Variants in ACOT1 observed in about 807,000 individuals in gnomAD.
The protein encoded by ACOT1 is acyl-coenzyme A thioesterase 1.
Under a neutral mutation model 15.7 loss-of-function variants are expected in ACOT1, and 8 were observed. That is an observed-to-expected ratio of 0.51 (90% CI 0.30 to 0.92). ACOT1 has a LOEUF of 0.92. ACOT1 is among the 40% of genes least tolerant of loss of function. The probability of loss-of-function intolerance (pLI) is 0.06; values close to 1 mark genes in which losing one functional copy is unlikely to be tolerated. For synonymous variants in ACOT1, 67 were observed against 241.2 expected, an observed-to-expected ratio of 0.28 and a Z score of 6.69; for missense variants, 151 against 539.4, an observed-to-expected ratio of 0.28 and a Z score of 7.13.
At chr14:73,529,354 C>CAA in the ACOT1 span, among the ~76,000 whole-genome samples, 18,812 of 86,410 alleles carry the variant, frequency 0.22, 2,197 homozygotes, top group South Asian at 0.34. Flanking sequence ...GACTCTGTCT[C>CAA]AAAAAAAAAA....
At chr14:73,506,388 A>G in the ACOT1 span, 42 of 939,192 alleles carry the variant, frequency 4.5e-5, no homozygotes, top group Admixed American at 5.8e-4. Context: ...GGAATAATAC[A>G]TAGCAGCAAA....
the ACOT1 span, chr14:73,498,993 A>T: frequency 8.4e-7 from 1 of 1,193,904 alleles, no homozygotes; most frequent in Non-Finnish European, 1.3e-6. Context: ...CCCATTAGAG[A>T]GTTTCAGGGG....
chr14:73,494,565 G>T, the ACOT1 span, among the ~76,000 whole-genome samples: 2 of 151,808 alleles, frequency 1.3e-5, no homozygotes, highest in Non-Finnish European at 2.9e-5. Context: ...TTGTTTTTTT[G>T]TTTGAGACAG....
chr14:73,538,659 T>C lies in ACOT1; in HGVS notation c.457+781T>C, dbSNP rs1165311995. 5.0e-5 allele frequency among the ~76,000 whole-genome samples: 4 copies of C among 79,878 alleles called. 1 individual carries two copies. The highest frequency in any genetic ancestry group is 8.3e-4 in the South Asian group (2 of 2,402). 52.4% of individuals were successfully genotyped at this position (79,878 alleles called of 152,430 possible). On this transcript the variant is annotated intron_variant, in intron 1 of 2. Transcript: ENST00000311148. ...ATTGTAAGGAAAGAGAAAAGACACA[T>C]AATATTAAAAACAAACAAAACAAAA...
the ACOT1 span, chr14:73,509,250 A>AT: frequency 6.6e-7 from 1 of 1,504,012 alleles, no homozygotes; most frequent in African/African-American, 1.4e-5. Context: ...AAGGACTGGG[A>AT]AAGCTGATAG....
the ACOT1 span, chr14:73,523,051 C>G: frequency 3.2e-5 from 51 of 1,613,968 alleles, no homozygotes; most frequent in Non-Finnish European, 4.1e-5. Flanking sequence ...CCTTGCCTTT[C>G]AATTTTGAGT....
the ACOT1 span, among the ~76,000 whole-genome samples, chr14:73,504,580 G>A: frequency 6.6e-6 from 1 of 152,138 alleles, no homozygotes; most frequent in Non-Finnish European, 1.5e-5. Flanking sequence ...GGTGACGCCT[G>A]TGCTGCTGGT....
At chr14:73,508,363 T>C in the ACOT1 span, 4 of 1,425,112 alleles carry the variant, frequency 2.8e-6, no homozygotes, top group Middle Eastern at 2.5e-4. Flanking sequence ...AGCCTTTGGA[T>C]TGATACCCAA....
the ACOT1 span, chr14:73,519,272 G>A: frequency 8.9e-7 from 1 of 1,126,262 alleles, no homozygotes. Context: ...CCTAATCTAA[G>A]CCCCTAGGAT....
At chr14:73,508,331 ATG>A in the ACOT1 span, 1 of 1,604,826 alleles carries the variant, frequency 6.2e-7, no homozygotes, top group Non-Finnish European at 8.5e-7. Context: ...CAGAATGGTG[ATG>A]TGTTTTCCCC....
At chr14:73,491,614 G>A in the ACOT1 span, 4 of 1,547,458 alleles carry the variant, frequency 2.6e-6, no homozygotes, top group Non-Finnish European at 3.5e-6. Flanking sequence ...CCAGCAGCCG[G>A]CGGCGAGCGG....
chr14:73,495,491 G>T, the ACOT1 span: 1 of 945,324 alleles, frequency 1.1e-6, no homozygotes, highest in South Asian at 1.6e-5. Context: ...GCTGAGGAGG[G>T]AGGATCACTT....
chr14:73,500,069 AAC>A, the ACOT1 span, among the ~76,000 whole-genome samples: 1 of 152,160 alleles, frequency 6.6e-6, no homozygotes, highest in African/African-American at 2.4e-5. Context: ...CTTTACTAAA[AAC>A]ACAAAAAAAT....
the ACOT1 span, among the ~76,000 whole-genome samples, chr14:73,498,805 A>G: frequency 6.6e-6 from 1 of 152,240 alleles, no homozygotes; most frequent in Non-Finnish European, 1.5e-5. Context: ...CTGGATACCT[A>G]CTTGGAACTT....
the ACOT1 span, chr14:73,491,038 T>A: frequency 6.3e-7 from 1 of 1,583,782 alleles, no homozygotes; most frequent in Non-Finnish European, 8.6e-7. Context: ...TCCAGGCCAG[T>A]GCAGGGCCGT....
chr14:73,493,536 C>T, the ACOT1 span: 1 of 190,514 alleles, frequency 5.2e-6, no homozygotes, highest in Non-Finnish European at 1.1e-5. Flanking sequence ...GTTAATCAAC[C>T]TCTTAAGGAA....
the ACOT1 span, chr14:73,492,579 T>TA: frequency 6.2e-7 from 1 of 1,613,902 alleles, no homozygotes; most frequent in South Asian, 1.1e-5. This position sits in a 1 kb window ranked among gnomAD's most constrained non-coding sequence, Gnocchi z 4.9. Flanking sequence ...GAGAGGGCAC[T>TA]AAGTGTTTAC....
the ACOT1 span, among the ~76,000 whole-genome samples, chr14:73,501,139 G>T: frequency 6.6e-6 from 1 of 152,004 alleles, no homozygotes; most frequent in Admixed American, 6.6e-5. Context: ...ATTTTTTTGA[G>T]ATGGAGTCTC....
the ACOT1 span, chr14:73,495,080 C>G: frequency 1.7e-6 from 1 of 574,688 alleles, no homozygotes; most frequent in Middle Eastern, 2.8e-4. Flanking sequence ...AACACAAAGA[C>G]TGAGTGGATG....
Sources: gnomAD v4.1 joint callset for allele counts (sites outside exome capture counted in the v4.1 genomes callset) on GRCh38, gnomAD v4.1.1 for gene constraint, Gnocchi (gnomAD v3.1) non-coding constraint, MANE v1.5 for transcripts, NCBI Gene and HGNC (gene_info 2026-07-23, HGNC 2026-07-21) for gene names.